Variants in PLXNA4 observed in about 807,000 individuals in gnomAD.
PLXNA4 encodes the protein plexin-A4.
PLXNA4 carries 44 observed loss-of-function variants against 191.8 expected under a neutral mutation model. The ratio of observed to expected loss-of-function variants is 0.23; its 90% CI spans 0.18 to 0.29. The LOEUF (loss-of-function observed/expected upper bound fraction) is 0.29. Among genes scored for constraint, PLXNA4 ranks in the 10% least tolerant of loss-of-function variants. The pLI is 1.00. For missense variants in PLXNA4, 1,800 were observed against 2,488.8 expected (o/e 0.72, Z 5.89); for synonymous variants, 1,082 against 1,009.5 (o/e 1.07, Z -1.36).
intron 4 of PLXNA4, among the ~76,000 whole-genome samples, chr7:132,265,438 C>T (rs138794256): frequency 7.7e-4 from 117 of 152,304 alleles, no homozygotes; most frequent in African/African-American, 2.6e-3. Context: ...ATTATTCATT[C>T]ATTCAATTGA....
intron 2 of PLXNA4, among the ~76,000 whole-genome samples, chr7:132,497,955 C>A (rs1798094728): frequency 6.6e-6 from 1 of 152,124 alleles, no homozygotes; most frequent in African/African-American, 2.4e-5. Context: ...CACAACAACC[C>A]AGTTAGACAA....
At chr7:132,136,652 C>A (rs1175947250) in intron 30 of PLXNA4, among the ~76,000 whole-genome samples, 1 of 152,160 alleles carries the variant, frequency 6.6e-6, no homozygotes, top group Non-Finnish European at 1.5e-5. Context: ...TAGTGGGATG[C>A]CAGCAGAAAT....
At chr7:132,455,391 GAGA>G (rs1796276625) in intron 3 of PLXNA4, among the ~76,000 whole-genome samples, 1 of 152,118 alleles carries the variant, frequency 6.6e-6, no homozygotes, top group African/African-American at 2.4e-5. Flanking sequence ...AGCAGAACAT[GAGA>G]AGGAGGAGAG....
chr7:132,156,717 T>G (rs1328751724), intron 25 of PLXNA4, among the ~76,000 whole-genome samples: 1 of 152,228 alleles, frequency 6.6e-6, no homozygotes, highest in Non-Finnish European at 1.5e-5. Context: ...CATTTGTAAA[T>G]TGCTCTTAGG....
intron 1 of PLXNA4, among the ~76,000 whole-genome samples, chr7:132,563,180 T>A (rs1159450952): frequency 2.4e-5 from 1 of 40,862 alleles, no homozygotes; most frequent in Non-Finnish European, 5.7e-5. Context: ...TCCTCCTCCT[T>A]CTCCTTCCTC....
chr7:132,327,899 GT>G (rs1383866429), intron 3 of PLXNA4, among the ~76,000 whole-genome samples: 1 of 152,124 alleles, frequency 6.6e-6, no homozygotes, highest in Non-Finnish European at 1.5e-5. Flanking sequence ...TGAGGAGAAG[GT>G]TCCAGTCCTT....
intron 30 of PLXNA4, among the ~76,000 whole-genome samples, chr7:132,137,086 A>T (rs951247609): frequency 6.6e-6 from 1 of 152,252 alleles, no homozygotes; most frequent in African/African-American, 2.4e-5. Flanking sequence ...TTGACCCATG[A>T]ATTAATGAAT....
At chr7:132,563,534 TCTC>T (rs1347591277) in intron 1 of PLXNA4, among the ~76,000 whole-genome samples, 3 of 45,978 alleles carry the variant, frequency 6.5e-5, no homozygotes, top group Admixed American at 2.4e-4. Flanking sequence ...TCCTCCTCTT[TCTC>T]CTCCTCCTCC....
At chr7:132,563,113 TC>T (rs1322701942) in intron 1 of PLXNA4, among the ~76,000 whole-genome samples, 7 of 88,188 alleles carry the variant, frequency 7.9e-5, no homozygotes, top group South Asian at 6.7e-4. Flanking sequence ...CTCCTCTCCC[TC>T]CTCCTCCTTC....
intron 19 of PLXNA4, among the ~76,000 whole-genome samples, 172 bp from the exon 20 acceptor site, chr7:132,180,093 C>T (rs961542415): frequency 7.9e-5 from 12 of 152,188 alleles, no homozygotes; most frequent in Admixed American, 7.2e-4. Context: ...ACAGGCACAG[C>T]TTAACAGAGC....
At chr7:132,384,422 C>T (rs1280832987) in intron 3 of PLXNA4, 7 of 985,646 alleles carry the variant, frequency 7.1e-6, no homozygotes, top group Non-Finnish European at 8.4e-6. Context: ...TCCTCCTCCC[C>T]ACCGGCTCTA....
At chr7:132,609,405 A>G (rs191463584) in intron 2 of PLXNA4, among the ~76,000 whole-genome samples, 22 of 152,216 alleles carry the variant, frequency 1.4e-4, no homozygotes, top group Middle Eastern at 3.4e-3. Flanking sequence ...TCTTTCACAT[A>G]TGGCTAACCA....
At chr7:132,334,711 C>T (rs1802748825) in intron 3 of PLXNA4, among the ~76,000 whole-genome samples, 1 of 152,064 alleles carries the variant, frequency 6.6e-6, no homozygotes. Flanking sequence ...AATGGCGGCC[C>T]CTAAAGCCCT....
chr7:132,296,641 C>G (rs1394869187), intron 4 of PLXNA4, among the ~76,000 whole-genome samples: 1 of 152,074 alleles, frequency 6.6e-6, no homozygotes, highest in East Asian at 1.9e-4. Flanking sequence ...TGCTGGCTTT[C>G]AGATCAGGCA....
chr7:132,205,981 G>A (rs948321792), intron 10 of PLXNA4, among the ~76,000 whole-genome samples: 1 of 152,212 alleles, frequency 6.6e-6, no homozygotes, highest in African/African-American at 2.4e-5. Flanking sequence ...ACGTGTTTAT[G>A]TGCATGCTGA....
intron 3 of PLXNA4, among the ~76,000 whole-genome samples, chr7:132,337,676 T>C (rs1802872963): frequency 6.6e-6 from 1 of 152,150 alleles, no homozygotes; most frequent in Non-Finnish European, 1.5e-5. Context: ...GCTTCAGTAG[T>C]TTTGGCAGGC....
chr7:132,199,162 G>A (rs1797353286), intron 12 of PLXNA4, among the ~76,000 whole-genome samples: 1 of 152,078 alleles, frequency 6.6e-6, no homozygotes, highest in South Asian at 2.1e-4. Context: ...CTTTGTGCCT[G>A]TTCTTCATCC....
intron 5 of PLXNA4, among the ~76,000 whole-genome samples, chr7:132,234,596 TTGTGTGTGTGTGTG>T (rs60249306): frequency 1.4e-5 from 2 of 144,156 alleles, no homozygotes; most frequent in Non-Finnish European, 3.0e-5. Flanking sequence ...AGCATGTGTT[TTGTGTGTGTGTGTG>T]TGTGTGTGTG....
At chr7:132,551,358 C>G (rs1481457037) in intron 1 of PLXNA4, among the ~76,000 whole-genome samples, 2 of 152,214 alleles carry the variant, frequency 1.3e-5, no homozygotes, top group Non-Finnish European at 2.9e-5. Flanking sequence ...AAAATCCCCC[C>G]ACATACTAAC....
Sources: gnomAD v4.1 joint callset for allele counts (sites outside exome capture counted in the v4.1 genomes callset) on GRCh38, gnomAD v4.1.1 for gene constraint, MANE v1.5 for transcripts, NCBI Gene and HGNC (gene_info 2026-07-23, HGNC 2026-07-21) for gene names.